GRIP1: variants seen among roughly 807,000 people sequenced by gnomAD.
The protein encoded by GRIP1 is glutamate receptor-interacting protein 1.
GRIP1 carries 45 observed loss-of-function variants against 129.9 expected under a neutral mutation model. That is an observed-to-expected ratio of 0.35 (90% CI 0.27 to 0.44). GRIP1 has a LOEUF of 0.44. GRIP1 is among the 20% of genes least tolerant of loss of function. GRIP1 has a pLI of 1.00. For synonymous variants in GRIP1, 530 were observed against 520.8 expected (o/e 1.02, Z -0.24); for missense variants, 1,196 against 1,396.8 (o/e 0.86, Z 2.29).
intron 1 of GRIP1, among the ~76,000 whole-genome samples, chr12:66,838,557 T>C (rs939045220): frequency 1.3e-5 from 2 of 152,060 alleles, no homozygotes. Flanking sequence ...TGTGAACAAA[T>C]CAACTTAGAC....
chr12:66,504,521 T>C (rs1232890316), intron 7 of GRIP1, among the ~76,000 whole-genome samples: 1 of 152,186 alleles, frequency 6.6e-6, no homozygotes, highest in Non-Finnish European at 1.5e-5. Context: ...GTACCTGTAG[T>C]GCTCAGGTAG....
At chr12:67,060,748 AGGAGGT>A (rs1307354686) in intron 1 of GRIP1, among the ~76,000 whole-genome samples, 2 of 150,488 alleles carry the variant, frequency 1.3e-5, no homozygotes, top group Non-Finnish European at 2.9e-5. Context: ...TCTTGAACCC[AGGAGGT>A]GGAGGTTGCA....
At chr12:67,056,315 A>T (rs2043434908) in intron 1 of GRIP1, among the ~76,000 whole-genome samples, 1 of 152,148 alleles carries the variant, frequency 6.6e-6, no homozygotes, top group Non-Finnish European at 1.5e-5. Flanking sequence ...TGGCTCAAAA[A>T]CTGGGGCTTA....
At chr12:66,967,487 G>A (rs2042014687) in intron 1 of GRIP1, among the ~76,000 whole-genome samples, 1 of 152,046 alleles carries the variant, frequency 6.6e-6, no homozygotes, top group Non-Finnish European at 1.5e-5. Context: ...CTAGTATATG[G>A]CAAGACAGGA....
At chr12:66,717,491 T>C (rs569528527) in intron 1 of GRIP1, among the ~76,000 whole-genome samples, 1 of 152,086 alleles carries the variant, frequency 6.6e-6, no homozygotes, top group Non-Finnish European at 1.5e-5. Context: ...TATACACAGA[T>C]GCAATGACAA....
At chr12:66,432,853 A>T (rs6581695) in intron 13 of GRIP1, among the ~76,000 whole-genome samples, 32,407 of 152,128 alleles carry the variant, frequency 0.21, 3,638 homozygotes, top group East Asian at 0.34. Context: ...AGTTGAGTTC[A>T]GTATTTCTCA....
intron 1 of GRIP1, among the ~76,000 whole-genome samples, chr12:66,974,498 G>A (rs1795964627): frequency 6.6e-6 from 1 of 152,112 alleles, no homozygotes; most frequent in African/African-American, 2.4e-5. Flanking sequence ...TGTATAAACT[G>A]CATAAATCCA....
chr12:67,025,131 G>A (rs2135755839), intron 1 of GRIP1, among the ~76,000 whole-genome samples: 1 of 152,298 alleles, frequency 6.6e-6, no homozygotes, highest in East Asian at 1.9e-4. Flanking sequence ...TTGAGGTCAG[G>A]AGTTAGAGAC....
chr12:66,883,066 C>G (rs1160610728), intron 1 of GRIP1, among the ~76,000 whole-genome samples: 2 of 152,150 alleles, frequency 1.3e-5, no homozygotes, highest in African/African-American at 4.8e-5. Flanking sequence ...ACTACCCACT[C>G]TGCTTTGTTC....
intron 1 of GRIP1, among the ~76,000 whole-genome samples, chr12:66,852,907 C>T (rs1298195487): frequency 6.6e-6 from 1 of 151,852 alleles, no homozygotes; most frequent in Non-Finnish European, 1.5e-5. Context: ...GTGCTATCAG[C>T]ATATATGCCT....
chr12:66,628,468 T>C (rs73127158), intron 1 of GRIP1, among the ~76,000 whole-genome samples: 4,463 of 152,312 alleles, frequency 0.029, 114 homozygotes, highest in Non-Finnish European at 0.043. Flanking sequence ...TTTTCTCATT[T>C]TCCCTCCTCC....
intron 5 of GRIP1, among the ~76,000 whole-genome samples, chr12:66,522,197 T>G (rs2061037771): frequency 6.6e-6 from 1 of 152,220 alleles, no homozygotes; most frequent in South Asian, 2.1e-4. Context: ...ACAGGCAAAC[T>G]GCCTCCTCAA....
At chr12:66,605,395 T>C (rs1426996653) in intron 1 of GRIP1, among the ~76,000 whole-genome samples, 1 of 152,020 alleles carries the variant, frequency 6.6e-6, no homozygotes, top group Non-Finnish European at 1.5e-5. Context: ...ACTGCAAAGG[T>C]TTCCATATTT....
chr12:66,957,281 C>T (rs1294148010), intron 1 of GRIP1, among the ~76,000 whole-genome samples: 2 of 152,020 alleles, frequency 1.3e-5, no homozygotes, highest in African/African-American at 2.4e-5. Flanking sequence ...AGCCTTCCTT[C>T]GTGGTTCTCA....
intron 5 of GRIP1, among the ~76,000 whole-genome samples, chr12:66,525,787 G>A (rs532414492): frequency 6.5e-4 from 99 of 152,196 alleles, no homozygotes; most frequent in African/African-American, 2.2e-3. Context: ...AAACCCCATC[G>A]TCTCAGCCCA....
At position 66,392,292 on chromosome 12, in the gene GRIP1, C is replaced by T. The variant is rs563213520; in HGVS notation, c.2464+16G>A. 6.2e-5 allele frequency: 90 copies of T among 1,457,922 alleles called. No individual in the cohort carries two copies. The highest frequency in any genetic ancestry group is 3.3e-4 in the African/African-American group (24 of 72,800). The allele number at this position is 1,457,922 out of a possible 1,614,324, so 90.3% of individuals were successfully genotyped here. The stretch of plus-strand genomic sequence containing the variant: ...CAACAATGACAAGTCCTCTGGGGGA[C>T]AAAGTAAAGACATACCTTGAGTTCC... On this transcript the variant is annotated intron_variant, in intron 19 of 24. Transcript: ENST00000359742.
intron 2 of GRIP1, among the ~76,000 whole-genome samples, chr12:66,584,074 A>G (rs1301499434): frequency 1.3e-5 from 2 of 149,662 alleles, no homozygotes; most frequent in African/African-American, 4.9e-5. Flanking sequence ...AATACTATGC[A>G]GCCATAAAAA....
intron 1 of GRIP1, among the ~76,000 whole-genome samples, chr12:66,786,919 A>T (rs2038365313): frequency 6.6e-6 from 1 of 152,174 alleles, no homozygotes; most frequent in African/African-American, 2.4e-5. Flanking sequence ...CTGAAAAAGA[A>T]CCACAGCTGA....
chr12:66,638,076 C>CT (rs1421542662), intron 1 of GRIP1, among the ~76,000 whole-genome samples: 2 of 152,162 alleles, frequency 1.3e-5, no homozygotes, highest in Non-Finnish European at 2.9e-5. Context: ...CCACAGGCTT[C>CT]TATACACAAT....
Sources: gnomAD v4.1 joint callset for allele counts (sites outside exome capture counted in the v4.1 genomes callset) on GRCh38, gnomAD v4.1.1 for gene constraint, MANE v1.5 for transcripts, NCBI Gene and HGNC (gene_info 2026-07-23, HGNC 2026-07-21) for gene names.